Variants in STRBP observed in about 807,000 individuals in gnomAD.
The protein encoded by STRBP is spermatid perinuclear RNA binding protein, also known as spermatid perinuclear RNA-binding protein.
Under a neutral mutation model 80.1 loss-of-function variants are expected in STRBP, and 13 were observed. The ratio of observed to expected loss-of-function variants is 0.16; its 90% CI spans 0.11 to 0.26. The LOEUF is 0.26. STRBP is among the 10% of genes least tolerant of loss of function. The probability of loss-of-function intolerance (pLI) is 1.00; values close to 1 mark genes in which losing one functional copy is unlikely to be tolerated. For synonymous variants in STRBP, 284 were observed against 291.2 expected (o/e 0.98, Z 0.25); for missense variants, 485 against 815.2 (o/e 0.59, Z 4.93).
intron 13 of STRBP, among the ~76,000 whole-genome samples, chr9:123,142,230 C>T (rs900788068): frequency 3.9e-5 from 6 of 152,112 alleles, no homozygotes; most frequent in Non-Finnish European, 8.8e-5. Context: ...TAGTACCATC[C>T]CCTTAATGCT....
intron 1 of STRBP, among the ~76,000 whole-genome samples, chr9:123,258,825 C>CATTGT (rs2041096287): frequency 6.7e-6 from 1 of 148,936 alleles, no homozygotes; most frequent in African/African-American, 2.5e-5. Flanking sequence ...AAAAAGAATC[C>CATTGT]GTAAGAAGAC....
chr9:123,222,763 G>A (rs1293419992), intron 2 of STRBP, among the ~76,000 whole-genome samples: 1 of 152,084 alleles, frequency 6.6e-6, no homozygotes, highest in Non-Finnish European at 1.5e-5. Context: ...AAAAGGAGAA[G>A]GCACCAAACC....
intron 16 of STRBP, among the ~76,000 whole-genome samples, chr9:123,135,004 C>A (rs2036294403): frequency 6.6e-6 from 1 of 152,086 alleles, no homozygotes; most frequent in African/African-American, 2.4e-5. Flanking sequence ...TTTATTATAG[C>A]AAATACAAGA....
At chr9:123,246,358 C>G (rs1230065153) in intron 1 of STRBP, among the ~76,000 whole-genome samples, 4 of 152,204 alleles carry the variant, frequency 2.6e-5, no homozygotes, top group African/African-American at 9.7e-5. Flanking sequence ...CATAATTCAA[C>G]ACATCCGGGC....
At chr9:123,227,567 C>T (rs200641136) in intron 2 of STRBP, among the ~76,000 whole-genome samples, 970 of 112,222 alleles carry the variant, frequency 8.6e-3, no homozygotes, top group Middle Eastern at 0.028. Context: ...TTTTTTTTTT[C>T]TTTTTTTTTT....
intron 16 of STRBP, among the ~76,000 whole-genome samples, chr9:123,133,536 C>CT (rs1437124545): frequency 2.7e-5 from 4 of 149,470 alleles, no homozygotes; most frequent in South Asian, 2.1e-4. Context: ...TACTAATTAT[C>CT]TTTTTTTGGT....
chr9:123,155,191 T>A (rs538998279), intron 11 of STRBP, among the ~76,000 whole-genome samples: 105 of 152,274 alleles, frequency 6.9e-4, no homozygotes, highest in African/African-American at 2.5e-3. Context: ...TCTCTTAATA[T>A]TTATCTGAGA....
At chr9:123,218,500 G>C (rs996935866) in intron 2 of STRBP, among the ~76,000 whole-genome samples, 8 of 150,770 alleles carry the variant, frequency 5.3e-5, no homozygotes, top group Admixed American at 2.6e-4. Flanking sequence ...CTCCCGAGTA[G>C]CTGGGACTAC....
chr9:123,257,757 C>CA (rs1158793248), intron 1 of STRBP, among the ~76,000 whole-genome samples: 5 of 152,018 alleles, frequency 3.3e-5, no homozygotes, highest in African/African-American at 1.2e-4. Context: ...GTTGAGGCTG[C>CA]AGTGAGCCGT....
chr9:123,210,162 C>G (rs1452145703), intron 2 of STRBP, among the ~76,000 whole-genome samples: 1 of 152,028 alleles, frequency 6.6e-6, no homozygotes, highest in Non-Finnish European at 1.5e-5. Context: ...CAATCTCAAG[C>G]CTTTAAATAA....
At chr9:123,249,935 A>G (rs1005581394) in intron 1 of STRBP, among the ~76,000 whole-genome samples, 17 of 152,238 alleles carry the variant, frequency 1.1e-4, no homozygotes, top group Admixed American at 7.9e-4. Context: ...TCACATTTGG[A>G]AGATCAAGAT....
chr9:123,185,645 A>G (rs961812169), intron 2 of STRBP, among the ~76,000 whole-genome samples: 1 of 152,150 alleles, frequency 6.6e-6, no homozygotes, highest in African/African-American at 2.4e-5. Flanking sequence ...ACCTTACTAT[A>G]TAACCAAAGT....
chr9:123,158,204 C>A, intron 10 of STRBP, 81 bp from the exon 11 acceptor site: 1 of 1,480,392 alleles, frequency 6.8e-7, no homozygotes, highest in Non-Finnish European at 9.4e-7. Flanking sequence ...AAAAGACACT[C>A]ATAAATTCTG....
intron 2 of STRBP, among the ~76,000 whole-genome samples, chr9:123,198,428 G>A (rs1362657898): frequency 1.3e-5 from 2 of 152,018 alleles, no homozygotes; most frequent in Admixed American, 1.3e-4. Context: ...GTGAGCCACG[G>A]CGCCCGGCCT....
intron 1 of STRBP, among the ~76,000 whole-genome samples, chr9:123,254,126 AGCTGGTTAGTGACCAACTCAGCTACGTT>A (rs1012068683): frequency 1.1e-4 from 17 of 152,280 alleles, no homozygotes; most frequent in Middle Eastern, 6.8e-3. Flanking sequence ...CAACCAACTA[AGCTGGTTAGTGACCAACTCAGCTACGTT>A]CATTTAAGAT....
chr9:123,131,833 C>T (rs965529553), intron 17 of STRBP, among the ~76,000 whole-genome samples: 3 of 152,170 alleles, frequency 2.0e-5, no homozygotes, highest in Non-Finnish European at 2.9e-5. Flanking sequence ...ATTCCAAAGC[C>T]ACATCATAAA....
At chr9:123,185,558 A>G (rs1441239533) in intron 2 of STRBP, among the ~76,000 whole-genome samples, 1 of 152,234 alleles carries the variant, frequency 6.6e-6, no homozygotes, top group East Asian at 1.9e-4. Flanking sequence ...ATCCCACAGT[A>G]AGAGATATCT....
chr9:123,254,257 C>A (rs1164438459), intron 1 of STRBP, among the ~76,000 whole-genome samples: 2 of 151,886 alleles, frequency 1.3e-5, no homozygotes, highest in African/African-American at 2.4e-5. Flanking sequence ...GTCAGGAGAT[C>A]GAGACCAGTC....
chr9:123,200,838 C>T (rs1447696741), intron 2 of STRBP, among the ~76,000 whole-genome samples: 1 of 149,480 alleles, frequency 6.7e-6, no homozygotes, highest in Non-Finnish European at 1.5e-5. Context: ...GCCTCGGCCT[C>T]CCAACATGCT....
Sources: allele counts gnomAD v4.1 joint callset (sites outside exome capture counted in the v4.1 genomes callset), GRCh38; gene constraint gnomAD v4.1.1; transcripts MANE v1.5; gene names NCBI Gene and HGNC (gene_info 2026-07-23, HGNC 2026-07-21).